TIA1: variants seen among roughly 807,000 people sequenced by gnomAD.
TIA1 encodes cytotoxic granule associated RNA binding protein TIA1.
In TIA1, 23 loss-of-function variants were observed where a neutral mutation model predicts 65.9. That is an observed-to-expected ratio of 0.35 (90% CI 0.25 to 0.49). The LOEUF (loss-of-function observed/expected upper bound fraction) is 0.49, where lower values mean the gene tolerates loss of function less well. Ranked by LOEUF, TIA1 falls within the 20% of genes least tolerant of loss-of-function variation. TIA1 has a pLI of 0.98. For synonymous variants in TIA1, 147 were observed against 149.4 expected, an observed-to-expected ratio of 0.98 and a Z score of 0.12; for missense variants, 371 against 477.9, an observed-to-expected ratio of 0.78 and a Z score of 2.09.
rs143295638 is a variant in TIA1 at position 70,226,252 on chromosome 2, G to A, written c.398+1483C>T. 2.2e-4 allele frequency among the ~76,000 whole-genome samples: 34 copies of A among 152,016 alleles called. No homozygotes were observed. In the East Asian group the frequency reaches 4.8e-3, roughly 22 times the overall value. On this transcript the variant is annotated intron_variant, in intron 6 of 12. Coordinates refer to ENST00000433529, the MANE Select transcript of TIA1 (RefSeq NM_022173.4). The stretch of plus-strand genomic sequence containing the variant: ...TTTAAGAGAAAAAAATATAACCCAC[G>A]ATTTGTAAATCATGAAATTGCTAAA...
At chr2:70,214,285 TC>T (rs1677612123) in intron 12 of TIA1, 63 bp downstream of exon 12, 8 of 1,531,486 alleles carry the variant, frequency 5.2e-6, no homozygotes, top group African/African-American at 1.4e-5. Flanking sequence ...TAAAATTTCT[TC>T]CTACTTAAAA....
rs1467664728 is a variant in TIA1, at chr2:70,212,925, GAACA to G, written c.1035-84_1035-81del. On this transcript the variant is annotated intron_variant, in intron 12 of 12. Transcript: ENST00000433529. Reference sequence around the variant, plus strand: ...AAGTATTGGCAAGAACAAACAACAAGAACAAATATGGGAAATGGGAAACATACTT... The same window carrying G: ...AAGTATTGGCAAGAACAAACAACAAGAATATGGGAAATGGGAAACATACTT... The G allele has an allele frequency of 5.7e-6, 5 of 876,378 alleles. No homozygotes were observed. In the African/African-American group the frequency reaches 6.6e-5, roughly 12 times the overall value. The allele number at this position is 876,378 out of a possible 1,614,324, so 54.3% of individuals were successfully genotyped here.
chr2:70,215,224 C>A, intron 11 of TIA1, 147 bp downstream of exon 11: 1 of 986,338 alleles, frequency 1.0e-6, no homozygotes, highest in Non-Finnish European at 1.5e-6. Context: ...CATGAAACAC[C>A]ATTCTGGAAC....
rs1441568641 is a variant in TIA1, at chr2:70,232,309, G to A, written c.124-1455C>T. Among the ~76,000 whole-genome samples, 4 of 151,656 alleles carry A rather than the reference G, an allele frequency of 2.6e-5. No individual in the cohort carries two copies. In the East Asian group the frequency reaches 5.8e-4, roughly 22 times the overall value. On this transcript the variant is annotated intron_variant, in intron 2 of 12. Coordinates refer to ENST00000433529, the MANE Select transcript of TIA1 (RefSeq NM_022173.4). ...TAATCCCAGCACTTTGGGAGGCCAA[G>A]GTGGGCTGATCACCTGAGGTCAGGA...
chr2:70,224,592 A>G lies in TIA1; in HGVS notation c.436T>C (p.Ser146Pro). Residue 146 changes from serine (S) to proline (P), a missense_variant, in exon 7 of 13, where the codon TCT becomes CCT. Ser to Pro is a moderately conservative substitution (Grantham distance 74). Transcript: ENST00000433529. ...AAGGAGACAAAGCCATATCCCTTAGACTTTCCTGTTGCCATGTCTTTTACC... is the reference window on the plus strand; with the variant it reads ...AAGGAGACAAAGCCATATCCCTTAGGCTTTCCTGTTGCCATGTCTTTTACC... ...RVVKDMATGK[S>P]KGYGFVSFFN... The G allele has an allele frequency of 1.2e-6, 2 of 1,614,016 alleles. No individual in the cohort carries two copies. The highest frequency in any genetic ancestry group is 8.5e-7 in the Non-Finnish European group (1 of 1,179,964).
chr2:70,243,877 T>G (rs541141240), intron 1 of TIA1, among the ~76,000 whole-genome samples: 1 of 152,356 alleles, frequency 6.6e-6, no homozygotes, highest in Admixed American at 6.5e-5. Context: ...TTACAGGCAC[T>G]GCTTTCTCTG....
At chr2:70,235,541 A>AGTGTGTGTGT (rs145663932) in intron 2 of TIA1, among the ~76,000 whole-genome samples, 7,116 of 147,248 alleles carry the variant, frequency 0.048, 255 homozygotes, top group East Asian at 0.15. Flanking sequence ...TAGATGAATG[A>AGTGTGTGTGT]GTGTGTGTGT....
chr2:70,232,303 G>A (rs1243692618), intron 2 of TIA1, among the ~76,000 whole-genome samples: 2 of 151,512 alleles, frequency 1.3e-5, no homozygotes, highest in Admixed American at 1.3e-4. Flanking sequence ...CACTTTGGGA[G>A]GCCAAGGTGG....
intron 10 of TIA1, chr2:70,215,751 C>A: frequency 1.4e-5 from 5 of 363,894 alleles, no homozygotes; most frequent in East Asian, 1.3e-4. Flanking sequence ...AGAGAAATTT[C>A]AATTTTTTTT....
At chr2:70,235,356 A>T (rs764046188) in intron 2 of TIA1, among the ~76,000 whole-genome samples, 13 of 152,174 alleles carry the variant, frequency 8.5e-5, no homozygotes, top group Non-Finnish European at 1.5e-4. Flanking sequence ...CGGAGGTTGC[A>T]GCGAGCCGAG....
At chr2:70,226,118 A>C (rs1327295718) in intron 6 of TIA1, among the ~76,000 whole-genome samples, 1 of 152,122 alleles carries the variant, frequency 6.6e-6, no homozygotes, top group Non-Finnish European at 1.5e-5. Flanking sequence ...ACATTATCTC[A>C]ATTGAAAATC....
chr2:70,212,469 T>C lies in TIA1; in HGVS notation c.*250A>G, dbSNP rs1459636067. The C allele has an allele frequency of 6.3e-5, 21 of 335,144 alleles. No homozygotes were observed. Among genetic ancestry groups the C allele is most frequent in the East Asian group, 1.7e-4 (3 of 17,804 alleles). 20.8% of individuals were successfully genotyped at this position (335,144 alleles called of 1,614,324 possible). On this transcript the variant is annotated 3_prime_UTR_variant, in exon 13 of 13. Transcript: ENST00000433529. ...GTGGCAGCAATCCCTGCATTTGTGT[T>C]TGAAACAAGGATCTGAGAAACTTTA... is the stretch of plus-strand genomic sequence containing the variant.
intron 1 of TIA1, among the ~76,000 whole-genome samples, chr2:70,245,047 G>A (rs1191845294): frequency 5.3e-5 from 8 of 152,132 alleles, no homozygotes; most frequent in East Asian, 1.9e-4. Flanking sequence ...GTGCAGTGGC[G>A]TGATCTCGGC....
At chr2:70,242,494 CAAA>C (rs11380260) in intron 1 of TIA1, among the ~76,000 whole-genome samples, 28 of 33,444 alleles carry the variant, frequency 8.4e-4, no homozygotes, top group Admixed American at 3.8e-3. Flanking sequence ...GACTCAGTCT[CAAA>C]AAAAAAAAAA....
intron 3 of TIA1, 122 bp downstream of exon 3, chr2:70,230,634 A>G: frequency 1.4e-6 from 1 of 700,874 alleles, no homozygotes; most frequent in South Asian, 2.1e-5. Flanking sequence ...ATTGGGCAAC[A>G]AGGGCAAAAT....
At chr2:70,248,021 G>C (rs116567179) in intron 1 of TIA1, among the ~76,000 whole-genome samples, 5,995 of 149,114 alleles carry the variant, frequency 0.04, 396 homozygotes, top group African/African-American at 0.15. Context: ...GTAAAGATAA[G>C]AAGAGGTTAA....
intron 6 of TIA1, 69 bp downstream of exon 6, chr2:70,227,662 GAATT>G: frequency 1.0e-6 from 1 of 980,200 alleles, no homozygotes; most frequent in Non-Finnish European, 1.5e-6. Flanking sequence ...ATTCACAACA[GAATT>G]ATTTTCAAGT....
At chr2:70,238,886 T>C (rs760000065) in intron 1 of TIA1, among the ~76,000 whole-genome samples, 4 of 151,900 alleles carry the variant, frequency 2.6e-5, no homozygotes, top group Non-Finnish European at 5.9e-5. Flanking sequence ...CCCCCGTCTC[T>C]ACAAAAAATA....
chr2:70,243,864 C>A (rs2104750169), intron 1 of TIA1, among the ~76,000 whole-genome samples: 1 of 152,340 alleles, frequency 6.6e-6, no homozygotes, highest in Middle Eastern at 3.4e-3. Context: ...GCACTAACTA[C>A]AATTACAGGC....
Sources: allele counts gnomAD v4.1 joint callset (sites outside exome capture counted in the v4.1 genomes callset), GRCh38; gene constraint gnomAD v4.1.1; transcripts MANE v1.5; gene names NCBI Gene and HGNC (gene_info 2026-07-23, HGNC 2026-07-21).